Variants in AK9 observed in about 807,000 individuals in gnomAD.
AK9 encodes adenylate kinase 9, also known as adenylate kinase domain containing 1.
Under a neutral mutation model 239.6 loss-of-function variants are expected in AK9, and 191 were observed. That is an observed-to-expected ratio of 0.80 (90% CI 0.71 to 0.90). The LOEUF is 0.90. Among genes scored for constraint, AK9 ranks in the 40% least tolerant of loss-of-function variants. The pLI is 0.00. For synonymous variants in AK9, 689 were observed against 721.0 expected (o/e 0.96, Z 0.71); for missense variants, 1,995 against 2,214.7 (o/e 0.90, Z 1.99).
intron 28 of AK9, among the ~76,000 whole-genome samples, chr6:109,531,201 C>T (rs889185785): frequency 6.6e-6 from 1 of 152,042 alleles, no homozygotes; most frequent in Non-Finnish European, 1.5e-5. Flanking sequence ...AATGGGGTGG[C>T]TTGATCAAAA....
At chr6:109,542,211 T>G (rs1782987933) in intron 26 of AK9, 40 bp from the exon 27 acceptor site, 2 of 1,537,302 alleles carry the variant, frequency 1.3e-6, no homozygotes, top group African/African-American at 1.4e-5. Context: ...GTTTTAAAAC[T>G]CTATGCTAAT....
At chr6:109,655,563 T>C (rs889785522) in intron 8 of AK9, among the ~76,000 whole-genome samples, 2 of 152,226 alleles carry the variant, frequency 1.3e-5, no homozygotes, top group Non-Finnish European at 2.9e-5. Context: ...TCATTCTTTT[T>C]CCTTTGTATC....
At chr6:109,583,029 C>T (rs1298934134) in intron 19 of AK9, among the ~76,000 whole-genome samples, 1 of 152,168 alleles carries the variant, frequency 6.6e-6, no homozygotes, top group East Asian at 1.9e-4. Context: ...CATTTTTAGA[C>T]ATAATGCTAT....
intron 8 of AK9, among the ~76,000 whole-genome samples, chr6:109,653,601 T>G (rs772393184): frequency 1.1e-4 from 17 of 152,192 alleles, no homozygotes; most frequent in Non-Finnish European, 2.1e-4. Context: ...TTATGGCGTC[T>G]TCAGCAAGAT....
intron 1 of AK9, among the ~76,000 whole-genome samples, chr6:109,687,631 G>A (rs572082900): frequency 6.6e-6 from 1 of 152,256 alleles, no homozygotes; most frequent in African/African-American, 2.4e-5. Flanking sequence ...GATGATGCTT[G>A]CCAACAATGT....
chr6:109,518,599 A>G (rs1203600352), intron 29 of AK9, among the ~76,000 whole-genome samples: 1 of 151,884 alleles, frequency 6.6e-6, no homozygotes, highest in African/African-American at 2.4e-5. Flanking sequence ...TCACACTCCT[A>G]TCTCTATTTC....
At chr6:109,578,864 A>T (rs566661739) in intron 20 of AK9, among the ~76,000 whole-genome samples, 30 of 98,994 alleles carry the variant, frequency 3.0e-4, no homozygotes, top group African/African-American at 9.2e-4. Context: ...ATTTATTTCC[A>T]ATTTTATTCC....
At chr6:109,535,235 A>G (rs1781820938) in intron 27 of AK9, among the ~76,000 whole-genome samples, 1 of 152,078 alleles carries the variant, frequency 6.6e-6, no homozygotes, top group African/African-American at 2.4e-5. Context: ...GTGTAAAAGC[A>G]TTCCTATTTC....
chr6:109,634,115 T>C (rs1233619701), intron 10 of AK9, among the ~76,000 whole-genome samples: 2 of 152,166 alleles, frequency 1.3e-5, no homozygotes, highest in Admixed American at 6.5e-5. Flanking sequence ...TGTGATGGTA[T>C]TAAGAGGTAG....
chr6:109,620,862 T>C (rs1011056208), intron 12 of AK9, among the ~76,000 whole-genome samples: 1 of 151,346 alleles, frequency 6.6e-6, no homozygotes, highest in Admixed American at 6.6e-5. Context: ...TATATATACA[T>C]ATACAAACAT....
intron 24 of AK9, among the ~76,000 whole-genome samples, chr6:109,561,509 T>C (rs1263203535): frequency 1.3e-5 from 2 of 151,996 alleles, no homozygotes; most frequent in Admixed American, 1.3e-4. Context: ...AGATGGGGTT[T>C]CGCCATGTTG....
intron 17 of AK9, among the ~76,000 whole-genome samples, chr6:109,602,040 C>CT (rs1562478482): frequency 1.3e-5 from 2 of 152,034 alleles, no homozygotes; most frequent in Non-Finnish European, 2.9e-5. Context: ...ATTTGCCAGT[C>CT]TGTGTCTTTT....
intron 24 of AK9, among the ~76,000 whole-genome samples, chr6:109,560,562 C>T (rs1785624363): frequency 6.6e-6 from 1 of 152,082 alleles, no homozygotes; most frequent in African/African-American, 2.4e-5. Flanking sequence ...TGATGAATTA[C>T]ATTGATTGCT....
intron 35 of AK9, 97 bp from the exon 36 acceptor site, chr6:109,499,337 C>A: frequency 1.1e-6 from 1 of 907,894 alleles, no homozygotes. Flanking sequence ...CAGCACTATA[C>A]ATACACATTA....
At chr6:109,504,149 T>C (rs1258131152) in intron 35 of AK9, among the ~76,000 whole-genome samples, 2 of 151,528 alleles carry the variant, frequency 1.3e-5, no homozygotes, top group African/African-American at 4.9e-5. Flanking sequence ...TAGCCAGGAG[T>C]TTGAGACCAG....
rs552302558 is a variant in AK9, at chr6:109,565,804, C to T, written c.2345-959G>A. Among the ~76,000 whole-genome samples, 113 of 151,954 alleles carry T rather than the reference C, an allele frequency of 7.4e-4. 1 individual carries two copies. The highest frequency in any genetic ancestry group is 2.6e-3 in the African/African-American group (109 of 41,400). On this transcript the variant is annotated intron_variant, in intron 21 of 40. Transcript: ENST00000424296. ...ATATGCATATATACGTATGTATATA[C>T]ACACACACATTCTGCAACACGGTGG...
At chr6:109,674,124 G>A (rs1771344428) in intron 3 of AK9, 74 bp downstream of exon 3, 2 of 1,265,392 alleles carry the variant, frequency 1.6e-6, no homozygotes, top group East Asian at 2.6e-5. Flanking sequence ...GGCATTCACT[G>A]TATAATTATC....
intron 17 of AK9, among the ~76,000 whole-genome samples, chr6:109,598,246 C>G (rs1791344217): frequency 1.4e-5 from 2 of 145,854 alleles, no homozygotes; most frequent in Non-Finnish European, 3.0e-5. Flanking sequence ...ACAACAGTCC[C>G]CGGTGTGTGA....
chr6:109,564,443 G>T (rs11752791), intron 22 of AK9, among the ~76,000 whole-genome samples, 163 bp from the exon 23 acceptor site: 52,529 of 151,942 alleles, frequency 0.35, 9,550 homozygotes, highest in South Asian at 0.44. Context: ...ATTATGCTTT[G>T]TTCTTATATT....
Sources: gnomAD v4.1 joint callset for allele counts (sites outside exome capture counted in the v4.1 genomes callset) on GRCh38, gnomAD v4.1.1 for gene constraint, MANE v1.5 for transcripts, NCBI Gene and HGNC (gene_info 2026-07-23, HGNC 2026-07-21) for gene names.